The following FSTL4 variants were observed in gnomAD, a reference collection of about 807,000 sequenced individuals.
FSTL4 encodes follistatin like 4.
Under a neutral mutation model 78.2 loss-of-function variants are expected in FSTL4, and 28 were observed. The ratio of observed to expected loss-of-function variants is 0.36; its 90% CI spans 0.27 to 0.49. The LOEUF is 0.49. Ranked by LOEUF, FSTL4 falls within the 20% of genes least tolerant of loss-of-function variation. The pLI, the probability that FSTL4 is intolerant of heterozygous loss-of-function variation, is 0.98. For synonymous variants in FSTL4, 422 were observed against 440.5 expected, an observed-to-expected ratio of 0.96 and a Z score of 0.53; for missense variants, 922 against 1,084.9, an observed-to-expected ratio of 0.85 and a Z score of 2.11.
chr5:133,412,162 T>C (rs1756489805), intron 3 of FSTL4, among the ~76,000 whole-genome samples: 1 of 152,250 alleles, frequency 6.6e-6, no homozygotes, highest in East Asian at 1.9e-4. Context: ...AAAAAGTTCA[T>C]TTGAAGTAAT....
At chr5:133,745,968 G>C in the FSTL4 span, among the ~76,000 whole-genome samples, 8 of 152,170 alleles carry the variant, frequency 5.3e-5, no homozygotes, top group Non-Finnish European at 7.3e-5. Flanking sequence ...AAGGCACCAC[G>C]ATACAGGCCT....
At chr5:133,232,783 G>A (rs1429557446) in intron 8 of FSTL4, among the ~76,000 whole-genome samples, 1 of 152,152 alleles carries the variant, frequency 6.6e-6, no homozygotes, top group Non-Finnish European at 1.5e-5. Flanking sequence ...TGAGTACAGG[G>A]ACTGACCAAG....
At chr5:133,735,459 T>C in the FSTL4 span, among the ~76,000 whole-genome samples, 1 of 152,054 alleles carries the variant, frequency 6.6e-6, no homozygotes, top group Non-Finnish European at 1.5e-5. Flanking sequence ...CGAGACACCA[T>C]CTAAAAAAAC....
rs59634629 is a variant in FSTL4, at chr5:133,274,380, CTTT to C, written c.728-24807_728-24805del. ...ATTCTCAGAAAAAGGGCAATCTGTG[CTTT>C]TTTTTTTTTTTTTAGGAGAACAGCA... On this transcript the variant is annotated intron_variant, in intron 6 of 15. Transcript: ENST00000265342. Among the ~76,000 whole-genome samples, 3 of 71,030 alleles carry C rather than the reference CTTT, an allele frequency of 4.2e-5. 1 individual carries two copies. The highest frequency in any genetic ancestry group is 7.2e-5 in the Non-Finnish European group (3 of 41,646). The allele number at this position is 71,030 out of a possible 152,430, so 46.6% of individuals were successfully genotyped here.
intron 13 of FSTL4, among the ~76,000 whole-genome samples, chr5:133,215,599 G>A (rs942029677): frequency 2.0e-5 from 3 of 151,964 alleles, no homozygotes; most frequent in Non-Finnish European, 2.9e-5. Flanking sequence ...CTCTTGTAGT[G>A]CATTAGTTTC....
At chr5:133,304,528 A>G (rs1279916786) in intron 6 of FSTL4, among the ~76,000 whole-genome samples, 2 of 152,214 alleles carry the variant, frequency 1.3e-5, no homozygotes, top group African/African-American at 4.8e-5. Flanking sequence ...ATTTGTATAT[A>G]ATAGATTTTC....
chr5:133,798,407 A>T, the FSTL4 span, among the ~76,000 whole-genome samples: 40,655 of 151,758 alleles, frequency 0.27, 5,622 homozygotes, highest in African/African-American at 0.3. Flanking sequence ...AAGTTTTTTT[A>T]AAAAATGCCA....
At chr5:133,414,306 A>G (rs1228972927) in intron 3 of FSTL4, among the ~76,000 whole-genome samples, 5 of 152,182 alleles carry the variant, frequency 3.3e-5, no homozygotes, top group Admixed American at 2.0e-4. Flanking sequence ...TTTTCTTGCC[A>G]GTCCTTGGGA....
chr5:133,774,801 A>G, the FSTL4 span, among the ~76,000 whole-genome samples: 7 of 152,188 alleles, frequency 4.6e-5, no homozygotes, highest in African/African-American at 1.4e-4. Flanking sequence ...AGTCTGTTAC[A>G]TTGATATTAT....
chr5:133,443,822 T>C (rs1329196663), intron 3 of FSTL4, among the ~76,000 whole-genome samples: 1 of 152,214 alleles, frequency 6.6e-6, no homozygotes, highest in East Asian at 1.9e-4. Context: ...GGAAACCCAC[T>C]ACCCCATATG....
chr5:133,772,389 C>G, the FSTL4 span, among the ~76,000 whole-genome samples: 2 of 152,032 alleles, frequency 1.3e-5, no homozygotes, highest in African/African-American at 4.8e-5. Flanking sequence ...TCCAAAATAC[C>G]AGGTCATGAA....
intron 3 of FSTL4, among the ~76,000 whole-genome samples, chr5:133,450,321 G>A (rs905233696): frequency 2.0e-5 from 3 of 152,222 alleles, no homozygotes; most frequent in Admixed American, 6.5e-5. Flanking sequence ...GGTCACCTGA[G>A]GGTGAACCTA....
At chr5:133,625,472 C>A in the FSTL4 span, among the ~76,000 whole-genome samples, 7 of 150,912 alleles carry the variant, frequency 4.6e-5, no homozygotes, top group South Asian at 1.5e-3. Flanking sequence ...TTGTTTAATT[C>A]CTGGTATTGG....
chr5:133,352,519 C>CGGT (rs1396515976), intron 4 of FSTL4, among the ~76,000 whole-genome samples: 2 of 152,002 alleles, frequency 1.3e-5, no homozygotes, highest in Non-Finnish European at 2.9e-5. Context: ...AAGTGATCTT[C>CGGT]CCACCTCAGC....
the FSTL4 span, among the ~76,000 whole-genome samples, chr5:133,796,859 G>A: frequency 6.8e-4 from 104 of 152,120 alleles, no homozygotes; most frequent in African/African-American, 2.3e-3. Context: ...CCAGGGAATC[G>A]CCCTGGGTAG....
chr5:133,290,208 AC>A (rs1415601182), intron 6 of FSTL4, among the ~76,000 whole-genome samples: 1 of 152,228 alleles, frequency 6.6e-6, no homozygotes, highest in Non-Finnish European at 1.5e-5. Flanking sequence ...GAGTGAATAA[AC>A]AACAGGGAAT....
At chr5:133,280,207 A>C (rs1752979453) in intron 6 of FSTL4, among the ~76,000 whole-genome samples, 1 of 152,142 alleles carries the variant, frequency 6.6e-6, no homozygotes, top group East Asian at 1.9e-4. Context: ...TCTAGGCCTC[A>C]ATGTGGCCAC....
chr5:133,813,976 C>T, the FSTL4 span, among the ~76,000 whole-genome samples: 3 of 152,198 alleles, frequency 2.0e-5, no homozygotes, highest in East Asian at 1.9e-4. Flanking sequence ...GAATCATACA[C>T]CTTCATATTA....
intron 4 of FSTL4, among the ~76,000 whole-genome samples, chr5:133,390,130 G>C (rs1580671918): frequency 6.6e-6 from 1 of 152,232 alleles, no homozygotes; most frequent in Non-Finnish European, 1.5e-5. Context: ...AGACATGGCT[G>C]CTAAGTCCCT....
Sources: gnomAD v4.1 joint callset for allele counts (sites outside exome capture counted in the v4.1 genomes callset) on GRCh38, gnomAD v4.1.1 for gene constraint, MANE v1.5 for transcripts, NCBI Gene and HGNC (gene_info 2026-07-23, HGNC 2026-07-21) for gene names.